NOCT: variants seen among roughly 807,000 people sequenced by gnomAD.
NOCT encodes nocturnin.
Under a neutral mutation model 35.0 loss-of-function variants are expected in NOCT, and 18 were observed. That is an observed-to-expected ratio of 0.51 (90% CI 0.36 to 0.76). The LOEUF (loss-of-function observed/expected upper bound fraction) is 0.76. NOCT is among the 30% of genes least tolerant of loss of function. The pLI is 0.01. For synonymous variants in NOCT, 235 were observed against 226.3 expected (o/e 1.04, Z -0.34); for missense variants, 479 against 541.0 (o/e 0.89, Z 1.14).
In NOCT at chr4:139,021,646, T is replaced by C. The variant is rs115980594; in HGVS notation, c.190+5475T>C. On this transcript the variant is annotated intron_variant, in intron 1 of 2. Transcript: ENST00000280614. ...AACTTAGAGTAAAATGAGGTTTCTATGATGTTTACTAAAAGAAAAGTGAGG... is the reference window on the plus strand; with the variant it reads ...AACTTAGAGTAAAATGAGGTTTCTACGATGTTTACTAAAAGAAAAGTGAGG... 5.2e-3 allele frequency among the ~76,000 whole-genome samples: 784 copies of C among 152,232 alleles called. 11 individuals are homozygous for C. Among genetic ancestry groups the C allele is most frequent in the African/African-American group, 0.018 (750 of 41,548 alleles).
intron 1 of NOCT, among the ~76,000 whole-genome samples, chr4:139,037,407 T>C (rs1015158440): frequency 4.6e-5 from 7 of 152,216 alleles, no homozygotes; most frequent in Admixed American, 4.6e-4. Flanking sequence ...ATAGAAATTC[T>C]GAATGAAACA....
intron 1 of NOCT, among the ~76,000 whole-genome samples, chr4:139,017,484 T>G (rs1726334992): frequency 6.7e-6 from 1 of 150,260 alleles, no homozygotes; most frequent in African/African-American, 2.4e-5. Context: ...CGCTTTGGCC[T>G]CCCAAAGTGC....
At chr4:139,016,637 CGTT>C (rs1726310197) in intron 1 of NOCT, among the ~76,000 whole-genome samples, 7 of 69,280 alleles carry the variant, frequency 1.0e-4, no homozygotes, top group Admixed American at 1.8e-4. Context: ...ATTCGTTTTA[CGTT>C]GTTTTTTTTT....
chr4:139,025,908 A>G (rs1290360290), intron 1 of NOCT, among the ~76,000 whole-genome samples: 1 of 152,164 alleles, frequency 6.6e-6, no homozygotes, highest in Non-Finnish European at 1.5e-5. Context: ...CCTAGAACCA[A>G]CCTGCCCAAT....
At chr4:139,028,444 C>T (rs1421440379) in intron 1 of NOCT, 3 of 152,340 alleles carry the variant, frequency 2.0e-5, no homozygotes, top group East Asian at 1.9e-4. Flanking sequence ...CACTTGATAT[C>T]TCTGGTAATG....
At chr4:139,016,317 C>G (rs1414763233) in intron 1 of NOCT, 146 bp downstream of exon 1, 1 of 424,488 alleles carries the variant, frequency 2.4e-6, no homozygotes, top group African/African-American at 2.1e-5. Context: ...GAGCAACCTT[C>G]TGCGTTCCCT....
Position 139,045,239 on chromosome 4 carries a change from A to G in NOCT, c.1061A>G (p.Asp354Gly). ...LNSAYKLLSA[D>G]GQSEPPYTTW... ...AGCGCCTACAAGCTGCTGAGTGCTGATGGGCAGTCAGAACCCCCATACACT... is the reference window on the plus strand; with the variant it reads ...AGCGCCTACAAGCTGCTGAGTGCTGGTGGGCAGTCAGAACCCCCATACACT... Residue 354 changes from aspartate to glycine, a missense_variant, in exon 3 of 3, where the codon GAT becomes GGT. Transcript: ENST00000280614. The G allele has an allele frequency of 6.2e-7, 1 of 1,614,148 alleles. No homozygotes were observed. The highest frequency in any genetic ancestry group is 8.5e-7 in the Non-Finnish European group (1 of 1,180,018).
chr4:139,027,871 C>T (rs561469212), intron 1 of NOCT, among the ~76,000 whole-genome samples: 1 of 152,082 alleles, frequency 6.6e-6, no homozygotes, highest in African/African-American at 2.4e-5. Flanking sequence ...TTAAGGTTCC[C>T]CCCCTCCCCC....
At chr4:139,038,912 T>G (rs572609700) in intron 1 of NOCT, among the ~76,000 whole-genome samples, 1 of 152,240 alleles carries the variant, frequency 6.6e-6, no homozygotes, top group African/African-American at 2.4e-5. Context: ...GTTCTCTAGT[T>G]CTAGATATGG....
chr4:139,017,679 C>T (rs2148641416), intron 1 of NOCT, among the ~76,000 whole-genome samples: 1 of 151,836 alleles, frequency 6.6e-6, no homozygotes, highest in East Asian at 2.0e-4. Context: ...CCTGTAATCC[C>T]AGCTACTCTG....
intron 1 of NOCT, among the ~76,000 whole-genome samples, chr4:139,035,740 C>A (rs1234280529): frequency 6.6e-6 from 1 of 152,218 alleles, no homozygotes; most frequent in African/African-American, 2.4e-5. Context: ...AGGCCAAAGT[C>A]TAGATAGACC....
intron 1 of NOCT, among the ~76,000 whole-genome samples, chr4:139,042,721 G>A (rs1302117895): frequency 6.6e-6 from 1 of 152,090 alleles, no homozygotes; most frequent in Non-Finnish European, 1.5e-5. Context: ...TTCCAGACTA[G>A]CCTGACCAAC....
intron 1 of NOCT, among the ~76,000 whole-genome samples, chr4:139,019,629 AC>A (rs777927146): frequency 6.6e-6 from 1 of 152,188 alleles, no homozygotes; most frequent in Non-Finnish European, 1.5e-5. Context: ...TTCCTGCATA[AC>A]TTATGCCCCT....
At chr4:139,026,328 T>G (rs1424674485) in intron 1 of NOCT, among the ~76,000 whole-genome samples, 2 of 152,138 alleles carry the variant, frequency 1.3e-5, no homozygotes, top group African/African-American at 4.8e-5. Flanking sequence ...CTCGAACTCC[T>G]GACCTCTGGT....
chr4:139,031,451 C>T (rs1197646971), intron 1 of NOCT, among the ~76,000 whole-genome samples: 1 of 149,918 alleles, frequency 6.7e-6, no homozygotes, highest in African/African-American at 2.5e-5. Context: ...GCCCGGCCTG[C>T]CCTGAGTGAT....
At chr4:139,027,195 G>A (rs1331668210) in intron 1 of NOCT, among the ~76,000 whole-genome samples, 1 of 134,164 alleles carries the variant, frequency 7.5e-6, no homozygotes, top group Non-Finnish European at 1.6e-5. Context: ...TTTTTTTTGA[G>A]ACAGGGTCTT....
intron 1 of NOCT, among the ~76,000 whole-genome samples, chr4:139,019,442 A>C (rs1726371237): frequency 6.6e-6 from 1 of 152,216 alleles, no homozygotes; most frequent in African/African-American, 2.4e-5. Context: ...TGGATTCCAC[A>C]TAACCAAATG....
intron 1 of NOCT, among the ~76,000 whole-genome samples, chr4:139,019,079 G>T (rs377579325): frequency 2.0e-5 from 3 of 152,042 alleles, no homozygotes; most frequent in Admixed American, 6.6e-5. Context: ...TTGAGACAAG[G>T]TTCTCTCGCA....
Position 139,043,132 on chromosome 4 carries a change from C to A in NOCT, c.249C>A (p.Asn83Lys), listed in dbSNP as rs766318202. The change falls in exon 2 of 3, where the codon AAC becomes AAA. Residue 83 changes from asparagine to lysine, a missense_variant. By Grantham distance (94) the Asn-to-Lys change is moderately conservative (BLOSUM62 0). Transcript: ENST00000280614. ...ATAGTGCTCTCGCCAAGACACTGAACAGCAGCGCTGCCTCCCAGCACCCAG... is the reference window on the plus strand; with the variant it reads ...ATAGTGCTCTCGCCAAGACACTGAAAAGCAGCGCTGCCTCCCAGCACCCAG... Reference protein sequence around the residue: ...RLYSALAKTLNSSAASQHPEY... With the variant: ...RLYSALAKTLKSSAASQHPEY... 6.2e-7 allele frequency: 1 copy of A among 1,614,002 alleles called. No individual in the cohort carries two copies. Among genetic ancestry groups the A allele is most frequent in the Non-Finnish European group, 8.5e-7 (1 of 1,179,920 alleles).
Sources: allele counts gnomAD v4.1 joint callset (sites outside exome capture counted in the v4.1 genomes callset), GRCh38; gene constraint gnomAD v4.1.1; transcripts MANE v1.5; gene names NCBI Gene and HGNC (gene_info 2026-07-23, HGNC 2026-07-21).